Variants in ADAM28 observed in about 807,000 individuals in gnomAD.
The protein encoded by ADAM28 is ADAM metallopeptidase domain 28, also known as disintegrin and metalloproteinase domain-containing protein 28.
A neutral mutation model predicts 101.2 loss-of-function variants in ADAM28; 105 were observed. The observed-to-expected ratio is 1.04, with a 90% CI of 0.89 to 1.22. ADAM28 has a LOEUF of 1.22. Among genes scored for constraint, ADAM28 ranks in the 50% most tolerant of loss-of-function variants. The pLI is 0.00. For synonymous variants in ADAM28, 322 were observed against 310.6 expected (o/e 1.04, Z -0.39); for missense variants, 1,028 against 945.4 (o/e 1.09, Z -1.15).
In ADAM28 at chr8:24,343,289, T is replaced by C. The variant is rs1815011272; in HGVS notation, c.1911+108T>C. ...TTCAGCTTTAAATGATGATAATTAC[T>C]AAGTTTATCCAAGCCTTCAGTAGCA... On this transcript the variant is annotated intron_variant, in intron 17 of 22. Transcript: ENST00000265769. The C allele has an allele frequency of 7.3e-6, 10 of 1,369,568 alleles. No individual in the cohort carries two copies. In the South Asian group the frequency reaches 1.3e-4, roughly 17 times the overall value. The allele number at this position is 1,369,568 out of a possible 1,614,324, so 84.8% of individuals were successfully genotyped here.
At chr8:24,329,878 T>C in intron 10 of ADAM28, 107 bp from the exon 11 acceptor site, 3 of 939,012 alleles carry the variant, frequency 3.2e-6, no homozygotes, top group Non-Finnish European at 1.6e-6. Flanking sequence ...TTTGTGTGTG[T>C]GTGTGTGTGA....
chr8:24,304,785 G>A (rs1743957198), intron 2 of ADAM28, among the ~76,000 whole-genome samples: 1 of 151,762 alleles, frequency 6.6e-6, no homozygotes, highest in Admixed American at 6.6e-5. Flanking sequence ...AGAATCATTG[G>A]AAACCTCTAA....
Position 24,326,562 on chromosome 8 carries a change from A to G in ADAM28, c.899A>G (p.Glu300Gly), listed in dbSNP as rs991400559. 1 of 1,611,704 alleles carries G rather than the reference A, an allele frequency of 6.2e-7. No homozygotes were observed. The highest frequency in any genetic ancestry group is 1.7e-5 in the Admixed American group (1 of 59,848). The change falls in exon 10 of 23, where the codon GAA becomes GGA. Residue 300 changes from glutamate (E) to glycine (G), a missense_variant. By Grantham distance (98) the Glu-to-Gly change is moderately conservative (BLOSUM62 -2). Coordinates refer to ENST00000265769, the MANE Select transcript of ADAM28 (RefSeq NM_014265.6). ...TTATTCCTTTCTTGCAGAGCAACAG[A>G]ACTTGCTGGAACGACTGTGGGTCTT... ...HDIAQLITAT[E>G]LAGTTVGLAF...
intron 9 of ADAM28, among the ~76,000 whole-genome samples, chr8:24,324,550 T>C (rs1009834871): frequency 5.9e-5 from 9 of 151,994 alleles, no homozygotes; most frequent in African/African-American, 2.2e-4. Context: ...AGGATTGACT[T>C]GAAGTTACTG....
At position 24,343,716 on chromosome 8, in the gene ADAM28, A is replaced by G. The variant is rs1446610159; in HGVS notation, c.1990+132A>G. The G allele has an allele frequency of 1.2e-5, 9 of 762,312 alleles. No individual in the cohort carries two copies. In the East Asian group the frequency reaches 2.5e-4, roughly 21 times the overall value. 47.2% of individuals were successfully genotyped at this position (762,312 alleles called of 1,614,324 possible). ...CTGTTCTGTTGATGTTGAATCCACA[A>G]TATTTATCCCCCAAATCTCCTTAAT... On this transcript the variant is annotated intron_variant, in intron 18 of 22. Coordinates refer to ENST00000265769, the MANE Select transcript of ADAM28 (RefSeq NM_014265.6).
At chr8:24,324,032 CTA>C (rs745410423) in intron 9 of ADAM28, 29 bp downstream of exon 9, 1 of 1,605,792 alleles carries the variant, frequency 6.2e-7, no homozygotes, top group South Asian at 1.1e-5. Context: ...CCATTGCACA[CTA>C]TGTGGTATTT....
chr8:24,341,845 C>A lies in ADAM28; in HGVS notation c.1830+88C>A, dbSNP rs1186073116. The stretch of plus-strand genomic sequence containing the variant: ...TTGCCCCTCGGTTATTCACTATGTG[C>A]CTTGTTTCCCGATTTTGGGGTTCGC... On this transcript the variant is annotated intron_variant, in intron 16 of 22. Coordinates refer to ENST00000265769, the MANE Select transcript of ADAM28 (RefSeq NM_014265.6). 4 of 1,531,042 alleles carry A rather than the reference C, an allele frequency of 2.6e-6. No individual in the cohort carries two copies. In the South Asian group the frequency reaches 3.5e-5, roughly 13 times the overall value. The allele number at this position is 1,531,042 out of a possible 1,614,324, so 94.8% of individuals were successfully genotyped here. A position where few individuals can be genotyped will look rare whatever the true frequency, so the allele number is the denominator to read the frequency against.
At chr8:24,323,801 T>G in intron 8 of ADAM28, 33 bp from the exon 9 acceptor site, 1 of 1,577,970 alleles carries the variant, frequency 6.3e-7, no homozygotes, top group Non-Finnish European at 8.6e-7. Flanking sequence ...ACCATTATAA[T>G]TAATTGCTTT....
Position 24,331,181 on chromosome 8 carries a change from A to C in ADAM28, c.1135A>C (p.Ser379Arg). 3.7e-6 allele frequency: 6 copies of C among 1,613,108 alleles called. No homozygotes were observed. Among genetic ancestry groups the C allele is most frequent in the Non-Finnish European group, 5.1e-6 (6 of 1,179,474 alleles). Residue 379 changes from serine to arginine, a missense_variant, in exon 12 of 23, where the codon AGC becomes CGC. By Grantham distance (110) the Ser-to-Arg change is moderately radical (BLOSUM62 -1). Transcript: ENST00000265769. Reference sequence around the variant, plus strand: ...TATACCCACAGACTTCAGTTCCTGCAGCCGTCTCAGCTATGACAAGTTTTT... The same window carrying C: ...TATACCCACAGACTTCAGTTCCTGCCGCCGTCTCAGCTATGACAAGTTTTT... ...FYIPTDFSSCSRLSYDKFFED... is the reference protein window; with the variant it reads ...FYIPTDFSSCRRLSYDKFFED...
At chr8:24,328,773 C>CA (rs570976952) in intron 10 of ADAM28, among the ~76,000 whole-genome samples, 3 of 151,926 alleles carry the variant, frequency 2.0e-5, no homozygotes, top group South Asian at 2.1e-4. Flanking sequence ...ACTGAAAATA[C>CA]AAAAAAATTA....
rs1202759428 is a variant in ADAM28, at chr8:24,310,222, C to T, written c.287C>T (p.Thr96Ile). ...TYYNSTGKEI[T>I]TSPQIMDDCY... Reference sequence around the variant, plus strand: ...TATAATTCCACTGGAAAGGAGATCACCACAAGCCCACAAATTATGGTATAA... The same window carrying T: ...TATAATTCCACTGGAAAGGAGATCATCACAAGCCCACAAATTATGGTATAA... Residue 96 changes from threonine to isoleucine, a missense_variant, in exon 4 of 23, where the codon ACC becomes ATC. Transcript: ENST00000265769. 6.2e-7 allele frequency: 1 copy of T among 1,613,024 alleles called. No individual in the cohort carries two copies. The highest frequency in any genetic ancestry group is 8.5e-7 in the Non-Finnish European group (1 of 1,179,384).
rs1465060682 is a variant in ADAM28, at chr8:24,313,550, G to C, written c.546G>C (p.Gln182His). The part of the protein sequence containing the change: ...DGVLWAHDLQ[Q>H]NIALPATKLV... ...TGTTGTGGGCCCACGATTTGCAGCAGAACATTGCCCTACCTGCCACCAAAC... is the reference window on the plus strand; with the variant it reads ...TGTTGTGGGCCCACGATTTGCAGCACAACATTGCCCTACCTGCCACCAAAC... Residue 182 changes from glutamine (Q) to histidine (H), a missense_variant, in exon 6 of 23, where the codon CAG (glutamine) becomes CAC (histidine). Physicochemically the swap from Gln to His is conservative, Grantham distance 24 (BLOSUM62 0). Coordinates refer to ENST00000265769, the MANE Select transcript of ADAM28 (RefSeq NM_014265.6). 5 of 1,613,682 alleles carry C rather than the reference G, an allele frequency of 3.1e-6. No homozygotes were observed. The highest frequency in any genetic ancestry group is 3.3e-5 in the Admixed American group (2 of 59,950).
chr8:24,323,762 A>G (rs898484345), intron 8 of ADAM28, 72 bp from the exon 9 acceptor site: 1 of 1,425,880 alleles, frequency 7.0e-7, no homozygotes, highest in Non-Finnish European at 9.5e-7. Flanking sequence ...AAAAATACAA[A>G]ATATATTGAA....
chr8:24,310,868 C>T (rs1305643701), intron 4 of ADAM28, among the ~76,000 whole-genome samples: 3 of 152,128 alleles, frequency 2.0e-5, no homozygotes, highest in Non-Finnish European at 4.4e-5. Flanking sequence ...TTAAGAAGGG[C>T]ATTTTGCTCC....
chr8:24,303,171 C>T (rs759524672), intron 2 of ADAM28, among the ~76,000 whole-genome samples: 4 of 151,888 alleles, frequency 2.6e-5, no homozygotes, highest in Non-Finnish European at 5.9e-5. Flanking sequence ...TCAATTTTTG[C>T]TTTTGTTGCA....
intron 1 of ADAM28, among the ~76,000 whole-genome samples, chr8:24,294,583 C>G (rs1490766978): frequency 1.3e-5 from 2 of 152,092 alleles, no homozygotes; most frequent in Non-Finnish European, 1.5e-5. Flanking sequence ...TTACTGTGTA[C>G]AAGGCTTAGG....
At chr8:24,335,715 C>G in intron 14 of ADAM28, 74 bp downstream of exon 14, 1 of 1,449,544 alleles carries the variant, frequency 6.9e-7, no homozygotes. Context: ...TAACCATGGT[C>G]AAAGGACCAT....
chr8:24,356,921 G>C lies in ADAM28; in HGVS notation c.*2517G>C, dbSNP rs186669765. On this transcript the variant is annotated 3_prime_UTR_variant, in exon 23 of 23. Coordinates refer to ENST00000265769, the MANE Select transcript of ADAM28 (RefSeq NM_014265.6). ...TAAAATAATGAAGTATGCATGAAAAGAAAGCAAATTTTAGTTGGTTGCAGT... is the reference window on the plus strand; with the variant it reads ...TAAAATAATGAAGTATGCATGAAAACAAAGCAAATTTTAGTTGGTTGCAGT... 1 of 152,238 alleles carries C rather than the reference G, an allele frequency of 6.6e-6. No individual in the cohort carries two copies. Among genetic ancestry groups the C allele is most frequent in the East Asian group, 1.9e-4 (1 of 5,174 alleles). 9.4% of individuals were successfully genotyped at this position (152,238 alleles called of 1,614,324 possible).
chr8:24,343,415 CT>C, intron 17 of ADAM28, 90 bp from the exon 18 acceptor site: 2 of 1,355,644 alleles, frequency 1.5e-6, no homozygotes, highest in African/African-American at 1.4e-5. Flanking sequence ...GGGGTTATTC[CT>C]TTTTCTGCAT....
Sources: allele counts gnomAD v4.1 joint callset (sites outside exome capture counted in the v4.1 genomes callset), GRCh38; gene constraint gnomAD v4.1.1; transcripts MANE v1.5; gene names NCBI Gene and HGNC (gene_info 2026-07-23, HGNC 2026-07-21).